The following CLDN16 variants were observed in gnomAD, a reference collection of about 807,000 sequenced individuals.
The protein encoded by CLDN16 is claudin-16.
In CLDN16, 13 loss-of-function variants were observed where a neutral mutation model predicts 24.6. The observed-to-expected ratio is 0.53, with a 90% CI of 0.34 to 0.84. CLDN16 has a LOEUF of 0.84. CLDN16 is among the 40% of genes least tolerant of loss of function. The pLI, the probability that CLDN16 is intolerant of heterozygous loss-of-function variation, is 0.01. For missense variants in CLDN16, 298 were observed against 292.7 expected (o/e 1.02, Z -0.13); for synonymous variants, 116 against 106.7 (o/e 1.09, Z -0.54).
chr3:190,298,899 T>C, the CLDN16 span, among the ~76,000 whole-genome samples: 1 of 152,222 alleles, frequency 6.6e-6, no homozygotes, highest in Admixed American at 6.5e-5. Flanking sequence ...GTTTTCTTAC[T>C]GTAGCTATAA....
chr3:190,302,343 A>T, the CLDN16 span, among the ~76,000 whole-genome samples: 3 of 152,194 alleles, frequency 2.0e-5, no homozygotes, highest in African/African-American at 7.2e-5. Context: ...TATTATCTGC[A>T]TTCCTTACCT....
upstream of CLDN16, among the ~76,000 whole-genome samples, chr3:190,320,948 G>A (rs73192408): frequency 0.045 from 6,751 of 148,910 alleles, 263 homozygotes; most frequent in South Asian, 0.1. Flanking sequence ...CAAGGAACTC[G>A]AAACCTTTAA....
chr3:190,353,627 A>G (rs1006055449), intron 1 of CLDN16, among the ~76,000 whole-genome samples: 2 of 152,112 alleles, frequency 1.3e-5, no homozygotes, highest in African/African-American at 4.8e-5. Flanking sequence ...TACACTTAAG[A>G]GTCGTTCAAA....
At chr3:190,293,616 G>A in the CLDN16 span, among the ~76,000 whole-genome samples, 13 of 152,300 alleles carry the variant, frequency 8.5e-5, no homozygotes, top group East Asian at 2.3e-3. Context: ...GAGGGACTGT[G>A]GGGTTTGGAC....
chr3:190,354,887 T>C (rs1028739157), intron 1 of CLDN16, among the ~76,000 whole-genome samples: 4 of 152,050 alleles, frequency 2.6e-5, no homozygotes, highest in Admixed American at 2.6e-4. Flanking sequence ...TTATGTGATG[T>C]CATAAAATCT....
At chr3:190,401,197 CA>C (rs1400263532) in intron 1 of CLDN16, among the ~76,000 whole-genome samples, 1 of 143,836 alleles carries the variant, frequency 7.0e-6, no homozygotes, top group Non-Finnish European at 1.5e-5. Flanking sequence ...AACACGGCCT[CA>C]AAAAATAGCA....
chr3:190,346,078 C>T (rs1036256970), intron 1 of CLDN16, among the ~76,000 whole-genome samples: 2 of 151,808 alleles, frequency 1.3e-5, no homozygotes, highest in African/African-American at 2.4e-5. Context: ...AGAACTGAAG[C>T]GTCCTATGGC....
intron 3 of CLDN16, among the ~76,000 whole-genome samples, chr3:190,380,732 G>A (rs767090925): frequency 9.2e-5 from 14 of 152,030 alleles, no homozygotes; most frequent in Non-Finnish European, 1.5e-4. Flanking sequence ...GTCTGAGATC[G>A]CGCCATTGCA....
At chr3:190,345,753 C>T (rs138465090) in intron 1 of CLDN16, among the ~76,000 whole-genome samples, 157 of 152,176 alleles carry the variant, frequency 1.0e-3, no homozygotes, top group African/African-American at 3.7e-3. Flanking sequence ...AATAAACACA[C>T]TTTGGCAGCT....
chr3:190,312,888 C>T, the CLDN16 span: 14 of 1,614,068 alleles, frequency 8.7e-6, no homozygotes, highest in African/African-American at 5.3e-5. Context: ...GAAGAAATAT[C>T]GCACCCCCAA....
At chr3:190,363,541 C>CGTGTGTGTGTGT (rs202074908) in intron 1 of CLDN16, among the ~76,000 whole-genome samples, 5 of 16,968 alleles carry the variant, frequency 2.9e-4, no homozygotes, top group African/African-American at 8.9e-4. Context: ...AGTTGCTGTG[C>CGTGTGTGTGTGT]GTGTGTGTGT....
At chr3:190,398,216 T>C (rs549825577) in intron 1 of CLDN16, among the ~76,000 whole-genome samples, 7 of 152,356 alleles carry the variant, frequency 4.6e-5, no homozygotes, top group African/African-American at 1.7e-4. Context: ...TAATTTCCTA[T>C]AGTTGCCGTA....
chr3:190,382,709 T>C (rs1718394792), intron 3 of CLDN16, among the ~76,000 whole-genome samples: 1 of 152,180 alleles, frequency 6.6e-6, no homozygotes, highest in South Asian at 2.1e-4. Flanking sequence ...AGAAAGATCA[T>C]AATTCCTTTG....
intron 3 of CLDN16, among the ~76,000 whole-genome samples, chr3:190,377,224 C>A (rs936425107): frequency 6.6e-6 from 1 of 151,990 alleles, no homozygotes; most frequent in African/African-American, 2.4e-5. Context: ...TATTGTGCTG[C>A]ATACTTTGCA....
At chr3:190,407,516 CTT>C (rs1719136519) in intron 3 of CLDN16, among the ~76,000 whole-genome samples, 1 of 152,150 alleles carries the variant, frequency 6.6e-6, no homozygotes. Flanking sequence ...TAAAAACACT[CTT>C]TTAATTCAGT....
At chr3:190,360,758 G>T (rs902388242) in intron 1 of CLDN16, among the ~76,000 whole-genome samples, 3 of 149,326 alleles carry the variant, frequency 2.0e-5, no homozygotes, top group Non-Finnish European at 4.5e-5. Context: ...TTGCCATTTT[G>T]TCTATTTCTT....
the CLDN16 span, among the ~76,000 whole-genome samples, chr3:190,299,550 A>AT: frequency 2.6e-5 from 4 of 151,228 alleles, no homozygotes; most frequent in African/African-American, 9.7e-5. Flanking sequence ...TTTTTTCTGA[A>AT]TTTTTTTTAT....
intron 1 of CLDN16, among the ~76,000 whole-genome samples, chr3:190,349,534 G>A (rs563273047): frequency 6.6e-6 from 1 of 152,198 alleles, no homozygotes; most frequent in African/African-American, 2.4e-5. Flanking sequence ...TTTCATCAAT[G>A]GTCATGTCTT....
intron 3 of CLDN16, 55 bp from the exon 4 acceptor site, chr3:190,408,259 G>C: frequency 6.5e-7 from 1 of 1,538,622 alleles, no homozygotes; most frequent in Non-Finnish European, 9.0e-7. Context: ...GGTATTTTTG[G>C]ATTTAAATTC....
Sources: allele counts gnomAD v4.1 joint callset (sites outside exome capture counted in the v4.1 genomes callset), GRCh38; gene constraint gnomAD v4.1.1; transcripts MANE v1.5; gene names NCBI Gene and HGNC (gene_info 2026-07-23, HGNC 2026-07-21).